Variants in ZMIZ1 observed in about 807,000 individuals in gnomAD.
ZMIZ1 encodes the protein zinc finger MIZ-type containing 1.
ZMIZ1 carries 17 observed loss-of-function variants against 113.9 expected under a neutral mutation model. That is an observed-to-expected ratio of 0.15 (90% CI 0.10 to 0.22). ZMIZ1 has a LOEUF of 0.22. ZMIZ1 is among the 10% of genes least tolerant of loss of function. The probability of loss-of-function intolerance (pLI) is 1.00; values close to 1 mark genes in which losing one functional copy is unlikely to be tolerated. For missense variants in ZMIZ1, 1,059 were observed against 1,477.8 expected (o/e 0.72, Z 4.65); for synonymous variants, 607 against 603.1 (o/e 1.01, Z -0.09).
In ZMIZ1 at chr10:79,252,653, G is replaced by A. The variant is rs557546937; in HGVS notation, c.281-24528G>A. Among the ~76,000 whole-genome samples, 3 of 152,252 alleles carry A rather than the reference G, an allele frequency of 2.0e-5. No homozygotes were observed. In the South Asian group the frequency reaches 6.2e-4, roughly 32 times the overall value. On this transcript the variant is annotated intron_variant, in intron 7 of 24. Transcript: ENST00000334512. ...ACTCAGTTACCACTTCTGCAAAACG[G>A]GGACACCCTCACCCACAGGTCTGTT... is the stretch of plus-strand genomic sequence containing the variant.
At chr10:79,070,890 C>G (rs1393657769) in intron 1 of ZMIZ1, among the ~76,000 whole-genome samples, 2 of 146,956 alleles carry the variant, frequency 1.4e-5, no homozygotes, top group African/African-American at 5.0e-5. Context: ...TCTCCCCCTT[C>G]TCCTCTCCCC....
chr10:79,162,077 A>AGG lies in ZMIZ1; in HGVS notation c.-103_-102dup. On this transcript the variant is annotated 5_prime_UTR_variant, in exon 4 of 25. Coordinates refer to ENST00000334512, the MANE Select transcript of ZMIZ1 (RefSeq NM_020338.4). ...GCAGGATGGAGCTGGAGTGAGGTGG[A>AGG]GGGGCCGCAAGCTGCTGACCGGCGT... 2.5e-6 allele frequency: 1 copy of AGG among 399,230 alleles called. No homozygotes were observed. 24.7% of individuals were successfully genotyped at this position (399,230 alleles called of 1,614,324 possible).
At chr10:79,111,376 C>T (rs1843730948) in intron 1 of ZMIZ1, among the ~76,000 whole-genome samples, 1 of 152,202 alleles carries the variant, frequency 6.6e-6, no homozygotes, top group Non-Finnish European at 1.5e-5. Context: ...GAAGGGATGG[C>T]ATTCCAGAAG....
At chr10:79,131,806 G>C (rs936115090) in intron 2 of ZMIZ1, among the ~76,000 whole-genome samples, 1 of 150,726 alleles carries the variant, frequency 6.6e-6, no homozygotes, top group African/African-American at 2.5e-5. Flanking sequence ...TGTTCTGGTG[G>C]AACAATCATA....
Position 79,134,120 on chromosome 10 carries a change from G to A in ZMIZ1, c.-226-5562G>A, listed in dbSNP as rs188401018. 3.0e-3 allele frequency among the ~76,000 whole-genome samples: 458 copies of A among 152,316 alleles called. 5 individuals carry two copies. Among genetic ancestry groups the A allele is most frequent in the African/African-American group, 0.01 (433 of 41,562 alleles). On this transcript the variant is annotated intron_variant, in intron 2 of 24. Transcript: ENST00000334512. ...CCCTGATCAGATATGGGAGGAAGGG[G>A]TCAAGGGAGGCCCACCTGGGGGGTT...
chr10:79,138,119 G>C (rs1203933178), intron 2 of ZMIZ1, among the ~76,000 whole-genome samples: 1 of 152,212 alleles, frequency 6.6e-6, no homozygotes, highest in Non-Finnish European at 1.5e-5. Context: ...CCTGTGGGCA[G>C]AGTGGGAAAG....
chr10:79,311,031 T>C lies in ZMIZ1; in HGVS notation c.2943T>C (p.Ala981=). Residue 981 remains alanine (A), a synonymous_variant, in exon 24 of 25, where the codon GCT becomes GCC. Coordinates refer to ENST00000334512, the MANE Select transcript of ZMIZ1 (RefSeq NM_020338.4). ...QSGPPLHHSG[A]PPPPPSQPPR... ...GGCCTCCATTACATCACAGTGGGGC[T>C]CCTCCTCCTCCTCCTTCCCAGCCTC... 1 of 1,609,458 alleles carries C rather than the reference T, an allele frequency of 6.2e-7. No individual in the cohort carries two copies. The highest frequency in any genetic ancestry group is 8.5e-7 in the Non-Finnish European group (1 of 1,177,982).
In ZMIZ1 at chr10:79,118,215, G is replaced by A. The variant is rs138448414; in HGVS notation, c.-336-700G>A. On this transcript the variant is annotated intron_variant, in intron 1 of 24. Transcript: ENST00000334512. This position sits in a 1 kb window ranked among gnomAD's most constrained non-coding sequence, Gnocchi z 4.1. ...CAATCTGACCCCATATTCTAGAATC[G>A]AATAGAGGAAGGGATGGGGGGAGGC... Among the ~76,000 whole-genome samples, 1,509 of 152,214 alleles carry A rather than the reference G, an allele frequency of 9.9e-3. 14 individuals carry two copies. Among genetic ancestry groups the A allele is most frequent in the Non-Finnish European group, 0.014 (979 of 68,016 alleles).
At chr10:79,093,135 A>C (rs1376453503) in intron 1 of ZMIZ1, among the ~76,000 whole-genome samples, 8 of 107,952 alleles carry the variant, frequency 7.4e-5, no homozygotes, top group Non-Finnish European at 9.6e-5. Flanking sequence ...CCCCACCCCC[A>C]ACACACACAC....
Position 79,307,527 on chromosome 10 carries a change from A to G in ZMIZ1, c.2791A>G (p.Met931Val), listed in dbSNP as rs1355517734. ...LSHPPDMPNN[M>V]AALEKPLSHP... ...CCACCCCCCGGACATGCCCAACAACATGGCCGCCCTCGAGAAACCCCTCAG... is the reference window on the plus strand; with the variant it reads ...CCACCCCCCGGACATGCCCAACAACGTGGCCGCCCTCGAGAAACCCCTCAG... Residue 931 changes from methionine (M) to valine (V), a missense_variant, in exon 23 of 25, where the codon ATG (methionine) becomes GTG (valine). Physicochemically the swap from Met to Val is conservative, Grantham distance 21. Around this residue, in one of 6 missense-constraint regions of ZMIZ1, gnomAD observed 225 missense variants for 276.0 expected, o/e 0.82. Coordinates refer to ENST00000334512, the MANE Select transcript of ZMIZ1 (RefSeq NM_020338.4). 4 of 1,528,270 alleles carry G rather than the reference A, an allele frequency of 2.6e-6. No homozygotes were observed. Among genetic ancestry groups the G allele is most frequent in the African/African-American group, 1.5e-5 (1 of 67,564 alleles). The allele number at this position is 1,528,270 out of a possible 1,614,324, so 94.7% of individuals were successfully genotyped here.
intron 1 of ZMIZ1, among the ~76,000 whole-genome samples, chr10:79,099,723 T>G (rs1347391573): frequency 6.6e-6 from 1 of 152,120 alleles, no homozygotes; most frequent in Non-Finnish European, 1.5e-5. Context: ...CTGGGAAGCA[T>G]CTCTCCATAA....
chr10:79,073,044 A>G (rs1842345126), intron 1 of ZMIZ1, among the ~76,000 whole-genome samples: 1 of 152,216 alleles, frequency 6.6e-6, no homozygotes, highest in South Asian at 2.1e-4. Context: ...TCCTAGGCAT[A>G]GGCTCTGGGG....
At chr10:79,081,910 C>T (rs1319185740) in intron 1 of ZMIZ1, among the ~76,000 whole-genome samples, 3 of 152,228 alleles carry the variant, frequency 2.0e-5, no homozygotes, top group African/African-American at 4.8e-5. Context: ...CACAGAAAGG[C>T]CCTGGAGACC....
At chr10:79,164,130 C>T (rs1846221845) in intron 4 of ZMIZ1, among the ~76,000 whole-genome samples, 1 of 152,158 alleles carries the variant, frequency 6.6e-6, no homozygotes, top group Non-Finnish European at 1.5e-5. Context: ...CTAGACACGG[C>T]TGGGGGTGGG....
chr10:79,150,273 G>A (rs1159515963), intron 3 of ZMIZ1, among the ~76,000 whole-genome samples: 2 of 152,122 alleles, frequency 1.3e-5, no homozygotes, highest in Admixed American at 6.5e-5. Context: ...TATTCTCTAC[G>A]GCTGGCACTT....
intron 7 of ZMIZ1, among the ~76,000 whole-genome samples, chr10:79,240,532 C>T (rs767774503): frequency 3.3e-5 from 5 of 151,782 alleles, no homozygotes; most frequent in Admixed American, 6.6e-5. Context: ...AAATTAGCAT[C>T]TGAAAACCCC....
intron 1 of ZMIZ1, among the ~76,000 whole-genome samples, chr10:79,115,967 G>A (rs912933973): frequency 2.0e-5 from 3 of 152,262 alleles, no homozygotes; most frequent in African/African-American, 7.2e-5. Flanking sequence ...TTTTGCCAGA[G>A]GGTGTAGCAT....
chr10:79,257,418 C>G (rs968875221), intron 7 of ZMIZ1, among the ~76,000 whole-genome samples: 2 of 152,268 alleles, frequency 1.3e-5, no homozygotes, highest in Admixed American at 1.3e-4. Context: ...TGGGCACCAT[C>G]TAGAGTTGGT....
chr10:79,114,973 T>G (rs543431119), intron 1 of ZMIZ1, among the ~76,000 whole-genome samples: 2 of 152,232 alleles, frequency 1.3e-5, no homozygotes, highest in South Asian at 4.1e-4. Flanking sequence ...TGCTAAAAAT[T>G]TAAATTTCTG....
Sources: allele counts gnomAD v4.1 joint callset (sites outside exome capture counted in the v4.1 genomes callset), GRCh38; gene constraint gnomAD v4.1.1; regional missense constraint gnomAD v4.1.1; non-coding constraint Gnocchi (gnomAD v3.1); transcripts MANE v1.5; gene names NCBI Gene and HGNC (gene_info 2026-07-23, HGNC 2026-07-21).